Variants in CUL3 observed in about 807,000 individuals in gnomAD.
The protein encoded by CUL3 is cullin 3.
A neutral mutation model predicts 89.1 loss-of-function variants in CUL3; 19 were observed. The ratio of observed to expected loss-of-function variants is 0.21; its 90% CI spans 0.15 to 0.31. The LOEUF is 0.31. Among genes scored for constraint, CUL3 ranks in the 10% least tolerant of loss-of-function variants. The pLI, the probability that CUL3 is intolerant of heterozygous loss-of-function variation, is 1.00. For missense variants in CUL3, 469 were observed against 942.3 expected (o/e 0.50, Z 6.58); for synonymous variants, 351 against 308.4 (o/e 1.14, Z -1.45).
intron 7 of CUL3, among the ~76,000 whole-genome samples, chr2:224,506,337 T>G (rs1559147535): frequency 6.6e-6 from 1 of 152,178 alleles, no homozygotes; most frequent in East Asian, 1.9e-4. Context: ...CTTCCATATA[T>G]GTATTAATAC....
chr2:224,544,647 T>C (rs1048184397), intron 2 of CUL3, among the ~76,000 whole-genome samples: 1 of 151,846 alleles, frequency 6.6e-6, no homozygotes, highest in Non-Finnish European at 1.5e-5. Flanking sequence ...ACATGAATTT[T>C]AGTCTTCCAA....
intron 1 of CUL3, among the ~76,000 whole-genome samples, chr2:224,559,716 T>C (rs1425892126): frequency 1.3e-5 from 2 of 152,258 alleles, no homozygotes; most frequent in East Asian, 3.9e-4. Flanking sequence ...CAAAATCTAA[T>C]GGGCAAAGTC....
intron 2 of CUL3, among the ~76,000 whole-genome samples, chr2:224,553,359 A>C (rs1694586384): frequency 6.6e-6 from 1 of 152,236 alleles, no homozygotes. Context: ...GTGAAAGAAA[A>C]GAATAAATAA....
At chr2:224,536,639 C>T (rs1693909272) in intron 2 of CUL3, among the ~76,000 whole-genome samples, 1 of 152,176 alleles carries the variant, frequency 6.6e-6, no homozygotes. Flanking sequence ...TTCAGGATTA[C>T]CTGCTTTTGC....
intron 13 of CUL3, chr2:224,495,314 C>A (rs911942349): frequency 6.6e-6 from 1 of 152,304 alleles, no homozygotes; most frequent in Non-Finnish European, 1.5e-5. Flanking sequence ...AAACATATAG[C>A]TCTACTTAGC....
rs938971844 is a variant in CUL3 at position 224,471,904 on chromosome 2, C to G, written c.*2341G>C. The stretch of plus-strand genomic sequence containing the variant: ...ATAAATCACCAAAATTTCTCTGCAC[C>G]AACAGGATGGAATGGTTAGGATGCA... On this transcript the variant is annotated 3_prime_UTR_variant, in exon 16 of 16. Coordinates refer to ENST00000264414, the MANE Select transcript of CUL3 (RefSeq NM_003590.5). The G allele has an allele frequency of 1.6e-4, 36 of 230,746 alleles. No homozygotes were observed. Among genetic ancestry groups the G allele is most frequent in the Non-Finnish European group, 2.9e-4 (34 of 116,668 alleles). 14.3% of individuals were successfully genotyped at this position (230,746 alleles called of 1,614,324 possible).
chr2:224,525,422 T>C (rs1366984505), intron 3 of CUL3, among the ~76,000 whole-genome samples: 1 of 152,200 alleles, frequency 6.6e-6, no homozygotes, highest in East Asian at 1.9e-4. Flanking sequence ...CAGTTTTCCA[T>C]TCACAAAAAT....
chr2:224,576,694 GGGGGGAGGAGAA>G (rs544399389), intron 1 of CUL3, among the ~76,000 whole-genome samples: 228 of 147,786 alleles, frequency 1.5e-3, no homozygotes, highest in African/African-American at 5.5e-3. Flanking sequence ...AAAAGGGGGG[GGGGGGAGGAGAA>G]GGAGGAGAAA....
intron 1 of CUL3, among the ~76,000 whole-genome samples, chr2:224,558,878 A>G (rs1203005663): frequency 9.0e-5 from 1 of 11,102 alleles, no homozygotes; most frequent in East Asian, 4.7e-3. Flanking sequence ...TAAATATACA[A>G]AAAATATACT....
intron 13 of CUL3, 138 bp from the exon 14 acceptor site, chr2:224,482,216 G>A (rs987244167): frequency 3.5e-6 from 2 of 566,130 alleles, no homozygotes; most frequent in South Asian, 2.6e-5. Flanking sequence ...ATTCTCTTGA[G>A]TACTATGACA....
chr2:224,510,224 T>C (rs918113387), intron 6 of CUL3, among the ~76,000 whole-genome samples: 1 of 151,862 alleles, frequency 6.6e-6, no homozygotes, highest in African/African-American at 2.4e-5. Flanking sequence ...CTTCTGTTTT[T>C]TTTTTTTTTT....
Position 224,585,199 on chromosome 2 carries a change from GCTCGGACTCTGGCGA to G in CUL3, c.-205_-191del. 3.2e-6 allele frequency: 1 copy of G among 310,546 alleles called. No individual in the cohort carries two copies. Among genetic ancestry groups the G allele is most frequent in the Non-Finnish European group, 5.6e-6 (1 of 179,966 alleles). 19.2% of individuals were successfully genotyped at this position (310,546 alleles called of 1,614,324 possible). The stretch of plus-strand genomic sequence containing the variant: ...GGGGGCGGCGGCGGCGGCGGCGGCG[GCTCGGACTCTGGCGA>G]CTCCGATGCGGCTGGGGGGCTGCGC... On this transcript the variant is annotated 5_prime_UTR_variant, in exon 1 of 16. Transcript: ENST00000264414.
rs769883288 is a variant in CUL3 at position 224,478,209 on chromosome 2, T to C, written c.2166A>G (p.Leu722=). The change falls in exon 15 of 16, where the codon CTA becomes CTG. Residue 722 remains leucine, a synonymous_variant. Transcript: ENST00000264414. ...AGTGAAGAGTCCTCACCTCCGCTAC[T>C]AGAACATTGTGCTGCATCTTCTTTC... ...KSRKKMQHNV[L]VAEVTQQLKA... is the part of the protein sequence containing the mutation. 3 of 1,612,728 alleles carry C rather than the reference T, an allele frequency of 1.9e-6. No individual in the cohort carries two copies. The highest frequency in any genetic ancestry group is 2.2e-5 in the South Asian group (2 of 90,766).
chr2:224,558,882 A>ACCCGTC (rs1559223343), intron 1 of CUL3, among the ~76,000 whole-genome samples: 1 of 11,026 alleles, frequency 9.1e-5, no homozygotes, highest in East Asian at 4.7e-3. Context: ...TATACAAAAA[A>ACCCGTC]TATACTAAAT....
chr2:224,539,158 A>T (rs1010065243), intron 2 of CUL3, among the ~76,000 whole-genome samples: 1 of 152,244 alleles, frequency 6.6e-6, no homozygotes, highest in Non-Finnish European at 1.5e-5. Context: ...AAGGCAAAAG[A>T]TCTTGACAGA....
intron 2 of CUL3, among the ~76,000 whole-genome samples, chr2:224,536,735 G>C (rs1477234996): frequency 6.6e-6 from 1 of 152,116 alleles, no homozygotes; most frequent in Non-Finnish European, 1.5e-5. Flanking sequence ...CCTTTCCACA[G>C]TCCACAAGCT....
At chr2:224,550,401 A>G (rs1457742546) in intron 2 of CUL3, among the ~76,000 whole-genome samples, 2 of 152,182 alleles carry the variant, frequency 1.3e-5, no homozygotes, top group African/African-American at 2.4e-5. Context: ...TGGCGCTCAA[A>G]AAGTTGTGGA....
intron 3 of CUL3, among the ~76,000 whole-genome samples, chr2:224,532,216 G>A (rs2106257581): frequency 6.6e-6 from 1 of 152,216 alleles, no homozygotes; most frequent in South Asian, 2.1e-4. Context: ...CATCTGCACA[G>A]AGGCACATGA....
At chr2:224,546,671 G>C (rs894251786) in intron 2 of CUL3, among the ~76,000 whole-genome samples, 5 of 149,238 alleles carry the variant, frequency 3.4e-5, no homozygotes, top group Non-Finnish European at 7.4e-5. Context: ...ATAGGATGGG[G>C]GGGGGTACTT....
Sources: allele counts gnomAD v4.1 joint callset (sites outside exome capture counted in the v4.1 genomes callset), GRCh38; gene constraint gnomAD v4.1.1; transcripts MANE v1.5; gene names NCBI Gene and HGNC (gene_info 2026-07-23, HGNC 2026-07-21).